The following INSR variants were observed in gnomAD, a reference collection of about 807,000 sequenced individuals.
The protein encoded by INSR is insulin receptor, also known as IR.
Under a neutral mutation model 142.6 loss-of-function variants are expected in INSR, and 67 were observed. That is an observed-to-expected ratio of 0.47 (90% CI 0.39 to 0.58). The LOEUF is 0.58. INSR is among the 20% of genes least tolerant of loss of function. The probability of loss-of-function intolerance (pLI) is 0.00; values close to 1 mark genes in which losing one functional copy is unlikely to be tolerated. For missense variants in INSR, 1,248 were observed against 1,833.2 expected, an observed-to-expected ratio of 0.68 and a Z score of 5.83; for synonymous variants, 756 against 743.1, an observed-to-expected ratio of 1.02 and a Z score of -0.28.
At chr19:7,286,351 G>C (rs189557449) in intron 1 of INSR, among the ~76,000 whole-genome samples, 12 of 152,086 alleles carry the variant, frequency 7.9e-5, no homozygotes, top group Non-Finnish European at 1.6e-4. Context: ...GACATGAATG[G>C]AATGCTTTTG....
chr19:7,138,115 C>CA (rs1972983936), intron 13 of INSR, among the ~76,000 whole-genome samples: 1 of 151,794 alleles, frequency 6.6e-6, no homozygotes, highest in South Asian at 2.1e-4. Flanking sequence ...AGGCGCCCGC[C>CA]ACCATGCCCG....
At chr19:7,214,031 A>C (rs1397283620) in intron 2 of INSR, among the ~76,000 whole-genome samples, 1 of 152,024 alleles carries the variant, frequency 6.6e-6, no homozygotes, top group Non-Finnish European at 1.5e-5. Flanking sequence ...TTAACTTCCC[A>C]AAACCCAGAC....
chr19:7,174,736 G>A lies in INSR; in HGVS notation c.975-5C>T, dbSNP rs529808499. On this transcript the variant is annotated splice_polypyrimidine_tract_variant and splice_region_variant and intron_variant, in intron 3 of 21. Transcript: ENST00000302850. ...AGGCATGGGGTGCACAGCAAGCTAA[G>A]GACGGAGCAGAGAGAGAGAGAAAGA... 8 of 1,613,282 alleles carry A rather than the reference G, an allele frequency of 5.0e-6. 1 individual carries two copies. In the African/African-American group the frequency reaches 1.1e-4, roughly 22 times the overall value.
rs187221547 is a variant in INSR, at chr19:7,260,267, C to T, written c.652+7078G>A. ...CCTCCCCCTCCTGCTTTGGTGCCGA[C>T]GTCCATATGTGGCATCTCGGGTTGG... On this transcript the variant is annotated intron_variant, in intron 2 of 21. Coordinates refer to ENST00000302850, the MANE Select transcript of INSR (RefSeq NM_000208.4). Among the ~76,000 whole-genome samples the T allele has an allele frequency of 2.0e-4, 30 of 152,278 alleles. No homozygotes were observed. The East Asian group carries it at 3.9e-3, about 20-fold the overall frequency.
At chr19:7,275,638 C>T (rs1179801776) in intron 1 of INSR, among the ~76,000 whole-genome samples, 1 of 151,572 alleles carries the variant, frequency 6.6e-6, no homozygotes, top group East Asian at 2.0e-4. Flanking sequence ...CAAAACTTAG[C>T]GGGGTCGGGG....
chr19:7,197,143 G>A (rs1035242427), intron 2 of INSR, among the ~76,000 whole-genome samples: 1 of 152,244 alleles, frequency 6.6e-6, no homozygotes, highest in Admixed American at 6.5e-5. Context: ...GCGTGTCCTT[G>A]AAGCGGGGAA....
At chr19:7,286,683 C>T (rs1968352291) in intron 1 of INSR, among the ~76,000 whole-genome samples, 1 of 151,822 alleles carries the variant, frequency 6.6e-6, no homozygotes, top group Admixed American at 6.6e-5. Context: ...AGCCACTGCA[C>T]CCCACCACAA....
intron 12 of INSR, among the ~76,000 whole-genome samples, chr19:7,142,196 C>T (rs1282337013): frequency 1.3e-5 from 2 of 149,778 alleles, no homozygotes; most frequent in Non-Finnish European, 3.0e-5. Flanking sequence ...TGAGCTCAGG[C>T]ATTGGAGACC....
intron 2 of INSR, among the ~76,000 whole-genome samples, chr19:7,207,132 G>A (rs543442941): frequency 1.3e-5 from 2 of 152,138 alleles, no homozygotes; most frequent in South Asian, 2.1e-4. Context: ...AATGAGACCC[G>A]TGGCCAGGCA....
chr19:7,117,164 G>C lies in INSR; in HGVS notation c.4041C>G (p.Ser1347=). ...CGTAGCTCCGCTTGAAACCCAGCGA[G>C]GACCCTCCATCCCGGCCCCCCGCCT... ...REEAGGRDGG[S]SLGFKRSYEE... Residue 1347 remains serine, a synonymous_variant, in exon 22 of 22, where the codon TCC becomes TCG. Coordinates refer to ENST00000302850, the MANE Select transcript of INSR (RefSeq NM_000208.4). 2 of 1,614,070 alleles carry C rather than the reference G, an allele frequency of 1.2e-6. No individual in the cohort carries two copies. The highest frequency in any genetic ancestry group is 1.7e-6 in the Non-Finnish European group (2 of 1,179,996).
At chr19:7,145,229 G>A (rs1973161158) in intron 11 of INSR, among the ~76,000 whole-genome samples, 2 of 151,790 alleles carry the variant, frequency 1.3e-5, no homozygotes, top group South Asian at 4.2e-4. Context: ...CCATTTGCCA[G>A]TAAGCTTTCT....
intron 2 of INSR, among the ~76,000 whole-genome samples, chr19:7,211,887 G>T (rs1975285182): frequency 7.0e-6 from 1 of 142,532 alleles, no homozygotes; most frequent in South Asian, 2.1e-4. Context: ...CGGGCTACAC[G>T]CCTTCTCCTT....
chr19:7,282,078 G>A (rs1481093179), intron 1 of INSR, among the ~76,000 whole-genome samples: 6 of 152,070 alleles, frequency 3.9e-5, no homozygotes, highest in Non-Finnish European at 8.8e-5. Context: ...AAAACCCCGC[G>A]AGCCGGCGGG....
intron 1 of INSR, among the ~76,000 whole-genome samples, chr19:7,289,837 G>A (rs1250806650): frequency 6.6e-6 from 1 of 152,182 alleles, no homozygotes; most frequent in African/African-American, 2.4e-5. Context: ...TCATGCCTGG[G>A]GGGAAGGGGA....
chr19:7,277,217 C>T (rs556558965), intron 1 of INSR, among the ~76,000 whole-genome samples: 3 of 152,266 alleles, frequency 2.0e-5, no homozygotes, highest in African/African-American at 7.2e-5. Context: ...TAAGATTCTC[C>T]ACCTGCCTGC....
At chr19:7,210,340 CAAA>C (rs11342133) in intron 2 of INSR, among the ~76,000 whole-genome samples, 1 of 109,826 alleles carries the variant, frequency 9.1e-6, no homozygotes, top group Admixed American at 1.0e-4. Context: ...GACTCTGTCT[CAAA>C]AAAAAAAAAA....
intron 2 of INSR, among the ~76,000 whole-genome samples, chr19:7,251,623 A>T (rs1568219035): frequency 6.6e-6 from 1 of 151,988 alleles, no homozygotes; most frequent in Non-Finnish European, 1.5e-5. Context: ...CTTGGGTGAT[A>T]AAACTATACA....
chr19:7,252,318 A>G (rs887493071), intron 2 of INSR, among the ~76,000 whole-genome samples: 12 of 152,002 alleles, frequency 7.9e-5, no homozygotes, highest in African/African-American at 2.9e-4. Context: ...AGGCTGAGGC[A>G]GGAGAATCGC....
chr19:7,181,417 A>G (rs189489607), intron 3 of INSR, among the ~76,000 whole-genome samples: 71 of 152,318 alleles, frequency 4.7e-4, no homozygotes, highest in African/African-American at 1.6e-3. Context: ...CAAGGATTTT[A>G]GGTAATTCTC....
Sources: allele counts gnomAD v4.1 joint callset (sites outside exome capture counted in the v4.1 genomes callset), GRCh38; gene constraint gnomAD v4.1.1; transcripts MANE v1.5; gene names NCBI Gene and HGNC (gene_info 2026-07-23, HGNC 2026-07-21).